The following SPATA17 variants were observed in gnomAD, a reference collection of about 807,000 sequenced individuals.
The protein encoded by SPATA17 is spermatogenesis-associated protein 17.
In SPATA17, 53 loss-of-function variants were observed where a neutral mutation model predicts 62.2. The observed-to-expected ratio is 0.85, with a 90% confidence interval of 0.68 to 1.07. The LOEUF (loss-of-function observed/expected upper bound fraction) is 1.07. SPATA17 is among the 50% of genes least tolerant of loss of function. The probability of loss-of-function intolerance (pLI) is 0.00; values close to 1 mark genes in which losing one functional copy is unlikely to be tolerated. For missense variants in SPATA17, 466 were observed against 425.5 expected, an observed-to-expected ratio of 1.10 and a Z score of -0.84; for synonymous variants, 146 against 146.8, an observed-to-expected ratio of 0.99 and a Z score of 0.04.
At chr1:217,789,734 T>C (rs1571807159) in intron 8 of SPATA17, among the ~76,000 whole-genome samples, 2 of 146,624 alleles carry the variant, frequency 1.4e-5, no homozygotes, top group Non-Finnish European at 2.9e-5. Context: ...AGAAACTCTT[T>C]TCAAAAATTT....
chr1:217,865,554 C>G (rs1305491188), intron 10 of SPATA17, among the ~76,000 whole-genome samples: 2 of 152,134 alleles, frequency 1.3e-5, no homozygotes, highest in Non-Finnish European at 2.9e-5. Context: ...TAAATGGTCA[C>G]TATTTGTAAC....
intron 9 of SPATA17, among the ~76,000 whole-genome samples, chr1:217,860,919 G>A (rs1296335400): frequency 6.6e-6 from 1 of 151,956 alleles, no homozygotes; most frequent in Non-Finnish European, 1.5e-5. Context: ...CCCACTCCTA[G>A]TCTTCTCTAG....
chr1:217,822,125 C>G (rs551620498), intron 9 of SPATA17, among the ~76,000 whole-genome samples: 133 of 152,142 alleles, frequency 8.7e-4, no homozygotes, highest in Non-Finnish European at 1.3e-3. Flanking sequence ...AATGAGTATG[C>G]ACGTTTTTAA....
chr1:217,713,580 A>T (rs1671929248), intron 5 of SPATA17, among the ~76,000 whole-genome samples: 1 of 152,146 alleles, frequency 6.6e-6, no homozygotes, highest in African/African-American at 2.4e-5. Context: ...GGAGAGATGG[A>T]CCTGTGCTTC....
At chr1:217,652,426 G>T (rs1288754376) in intron 3 of SPATA17, among the ~76,000 whole-genome samples, 3 of 152,028 alleles carry the variant, frequency 2.0e-5, no homozygotes, top group Non-Finnish European at 4.4e-5. Flanking sequence ...TAGAGACAGG[G>T]TTTCACCATG....
intron 5 of SPATA17, among the ~76,000 whole-genome samples, chr1:217,715,669 C>CAA (rs11320551): frequency 1.2e-4 from 15 of 127,030 alleles, no homozygotes; most frequent in Non-Finnish European, 1.2e-4. Context: ...GCTTGTCATG[C>CAA]AAAAAAAAAA....
At chr1:217,696,067 C>T (rs1357953266) in intron 5 of SPATA17, among the ~76,000 whole-genome samples, 3 of 152,126 alleles carry the variant, frequency 2.0e-5, no homozygotes, top group East Asian at 1.9e-4. Context: ...CAAGCCTGGG[C>T]AATGGCGGGC....
chr1:217,850,190 A>G (rs1050193963), intron 9 of SPATA17, among the ~76,000 whole-genome samples: 5 of 152,210 alleles, frequency 3.3e-5, no homozygotes, highest in Admixed American at 1.3e-4. Context: ...AGTCGTGTAC[A>G]ACTTTTATAG....
At chr1:217,803,591 T>C (rs1674366432) in intron 9 of SPATA17, among the ~76,000 whole-genome samples, 1 of 152,032 alleles carries the variant, frequency 6.6e-6, no homozygotes, top group Non-Finnish European at 1.5e-5. Context: ...AAGACACAAA[T>C]AAATGGAAAG....
chr1:217,865,110 T>C (rs1434646184), intron 10 of SPATA17, among the ~76,000 whole-genome samples: 1 of 152,184 alleles, frequency 6.6e-6, no homozygotes, highest in Admixed American at 6.6e-5. Flanking sequence ...GGCTCTCCTA[T>C]TAAGATTTCA....
At chr1:217,783,264 ATTATT>A (rs1313215719) in intron 8 of SPATA17, among the ~76,000 whole-genome samples, 1 of 151,694 alleles carries the variant, frequency 6.6e-6, no homozygotes, top group African/African-American at 2.4e-5. Flanking sequence ...TGGATTTTGG[ATTATT>A]TTAACAGTTA....
chr1:217,780,989 G>C (rs757510485), intron 7 of SPATA17, among the ~76,000 whole-genome samples: 1 of 151,850 alleles, frequency 6.6e-6, no homozygotes, highest in African/African-American at 2.4e-5. Context: ...TCTTAATAGT[G>C]GACTTGGAAT....
chr1:217,803,181 G>A (rs2102988477), intron 9 of SPATA17, among the ~76,000 whole-genome samples: 1 of 152,204 alleles, frequency 6.6e-6, no homozygotes, highest in African/African-American at 2.4e-5. Context: ...CAAAGTTCTG[G>A]GATTATAGGC....
chr1:217,755,870 ATATC>A (rs1673028933), intron 6 of SPATA17, among the ~76,000 whole-genome samples: 1 of 151,998 alleles, frequency 6.6e-6, no homozygotes, highest in Non-Finnish European at 1.5e-5. Flanking sequence ...TTTTGTTTAT[ATATC>A]TATACCAAAA....
At chr1:217,801,255 A>T (rs1336100348) in intron 8 of SPATA17, among the ~76,000 whole-genome samples, 1 of 152,210 alleles carries the variant, frequency 6.6e-6, no homozygotes, top group Non-Finnish European at 1.5e-5. Flanking sequence ...AGACCCCATT[A>T]TTCATAACTG....
At chr1:217,809,610 A>G (rs1310269039) in intron 9 of SPATA17, among the ~76,000 whole-genome samples, 1 of 152,160 alleles carries the variant, frequency 6.6e-6, no homozygotes, top group East Asian at 1.9e-4. Context: ...GAATGAATCC[A>G]TCCTCATAAG....
At chr1:217,745,308 T>C (rs927499356) in intron 6 of SPATA17, among the ~76,000 whole-genome samples, 4 of 152,192 alleles carry the variant, frequency 2.6e-5, no homozygotes, top group Non-Finnish European at 4.4e-5. Context: ...CCTTTGAACC[T>C]ATGGAGCCAC....
At chr1:217,780,623 G>A (rs1673707709) in intron 7 of SPATA17, among the ~76,000 whole-genome samples, 1 of 152,038 alleles carries the variant, frequency 6.6e-6, no homozygotes, top group Non-Finnish European at 1.5e-5. Flanking sequence ...GTGAATGCTG[G>A]TCTCTTCAAA....
chr1:217,810,239 G>T (rs372430361), intron 9 of SPATA17, among the ~76,000 whole-genome samples: 263 of 152,200 alleles, frequency 1.7e-3, no homozygotes, highest in African/African-American at 5.5e-3. Flanking sequence ...AAAAAGAAAA[G>T]TAGTATATTT....
Sources: gnomAD v4.1 joint callset for allele counts (sites outside exome capture counted in the v4.1 genomes callset) on GRCh38, gnomAD v4.1.1 for gene constraint, MANE v1.5 for transcripts, NCBI Gene and HGNC (gene_info 2026-07-23, HGNC 2026-07-21) for gene names.